AGBL4: variants seen among roughly 807,000 people sequenced by gnomAD.
AGBL4 encodes cytosolic carboxypeptidase 6.
A neutral mutation model predicts 66.4 loss-of-function variants in AGBL4; 58 were observed. The ratio of observed to expected loss-of-function variants is 0.87; its 90% confidence interval spans 0.71 to 1.09. AGBL4 has a LOEUF of 1.09. Ranked by LOEUF, AGBL4 falls within the 50% of genes least tolerant of loss-of-function variation. AGBL4 has a pLI of 0.00. For missense variants in AGBL4, 579 were observed against 631.0 expected, an observed-to-expected ratio of 0.92 and a Z score of 0.88; for synonymous variants, 234 against 222.9, an observed-to-expected ratio of 1.05 and a Z score of -0.44.
chr1:49,803,018 A>G lies in AGBL4; in HGVS notation c.157+48378T>C, dbSNP rs368150256. Among the ~76,000 whole-genome samples, 50 of 151,740 alleles carry G rather than the reference A, an allele frequency of 3.3e-4. 1 individual carries two copies. In the South Asian group the frequency reaches 9.5e-3, roughly 29 times the overall value. On this transcript the variant is annotated intron_variant, in intron 2 of 13. Transcript: ENST00000371839. ...AAAGAACCTTCATAAGTTAAATTTC[A>G]TTATATTTAATGTATGAAGTTAAAT...
chr1:48,549,824 G>C (rs991627142), intron 11 of AGBL4, among the ~76,000 whole-genome samples: 6 of 151,144 alleles, frequency 4.0e-5, no homozygotes, highest in African/African-American at 1.2e-4. Context: ...GAGGGAGAGA[G>C]GGGAGAAAGG....
intron 3 of AGBL4, among the ~76,000 whole-genome samples, chr1:49,682,035 C>A (rs1359013717): frequency 6.6e-6 from 1 of 152,074 alleles, no homozygotes; most frequent in African/African-American, 2.4e-5. Context: ...CAAACTATTT[C>A]TTTAAAAAAA....
At chr1:49,785,317 G>C (rs1357985060) in intron 2 of AGBL4, among the ~76,000 whole-genome samples, 2 of 151,980 alleles carry the variant, frequency 1.3e-5, no homozygotes, top group African/African-American at 4.8e-5. Flanking sequence ...CTAAAAGAAT[G>C]TATGTTAAAA....
intron 4 of AGBL4, among the ~76,000 whole-genome samples, chr1:49,147,146 C>A (rs1482057449): frequency 6.6e-6 from 1 of 152,140 alleles, no homozygotes; most frequent in African/African-American, 2.4e-5. Flanking sequence ...ACAGAAATAT[C>A]TGCTAGTCTT....
chr1:49,094,941 T>C (rs1645067854), intron 4 of AGBL4, among the ~76,000 whole-genome samples: 1 of 152,156 alleles, frequency 6.6e-6, no homozygotes, highest in Non-Finnish European at 1.5e-5. Flanking sequence ...AACCCCATCA[T>C]CTCAGCCCAA....
At chr1:49,445,536 T>C (rs1646134988) in intron 3 of AGBL4, among the ~76,000 whole-genome samples, 1 of 152,114 alleles carries the variant, frequency 6.6e-6, no homozygotes, top group Non-Finnish European at 1.5e-5. Flanking sequence ...CTCATTTTGT[T>C]TTATTTTTCT....
At chr1:49,649,511 C>T (rs1645959413) in intron 3 of AGBL4, among the ~76,000 whole-genome samples, 4 of 152,116 alleles carry the variant, frequency 2.6e-5, no homozygotes, top group African/African-American at 7.2e-5. Flanking sequence ...GATTGATCCA[C>T]TATTATGGTT....
chr1:48,554,806 C>A (rs1421264089), intron 11 of AGBL4, among the ~76,000 whole-genome samples: 1 of 152,120 alleles, frequency 6.6e-6, no homozygotes, highest in Non-Finnish European at 1.5e-5. Flanking sequence ...TTTCTAATAC[C>A]ACTCAGTTAG....
chr1:48,522,618 C>T, the AGBL4 span, among the ~76,000 whole-genome samples: 1 of 152,310 alleles, frequency 6.6e-6, no homozygotes, highest in African/African-American at 2.4e-5. Context: ...CTCAGTACTG[C>T]ATCTCTTGTA....
chr1:49,686,849 G>T (rs1165886020), intron 3 of AGBL4, among the ~76,000 whole-genome samples: 1 of 152,142 alleles, frequency 6.6e-6, no homozygotes, highest in Non-Finnish European at 1.5e-5. Context: ...AATTTGCCCA[G>T]GTGACACAGT....
chr1:49,511,093 TC>T (rs909376705), intron 3 of AGBL4, among the ~76,000 whole-genome samples: 4 of 151,938 alleles, frequency 2.6e-5, no homozygotes, highest in African/African-American at 9.7e-5. Flanking sequence ...TACCCAGCCA[TC>T]CCATTACTGG....
At chr1:49,474,568 A>G (rs2148717125) in intron 3 of AGBL4, among the ~76,000 whole-genome samples, 1 of 151,934 alleles carries the variant, frequency 6.6e-6, no homozygotes, top group South Asian at 2.1e-4. Flanking sequence ...ATTTCAGTGA[A>G]TTCTTGACTT....
intron 6 of AGBL4, among the ~76,000 whole-genome samples, chr1:48,729,494 A>C (rs1418654382): frequency 6.6e-6 from 1 of 152,194 alleles, no homozygotes; most frequent in African/African-American, 2.4e-5. Context: ...AAATCTTGTC[A>C]TTACCAAACC....
At chr1:49,844,194 C>T (rs1646076543) in intron 2 of AGBL4, among the ~76,000 whole-genome samples, 1 of 152,158 alleles carries the variant, frequency 6.6e-6, no homozygotes, top group African/African-American at 2.4e-5. Flanking sequence ...GATGGCACAA[C>T]AGCATATGCT....
At chr1:48,742,424 A>G (rs200337195) in intron 6 of AGBL4, among the ~76,000 whole-genome samples, 1 of 17,532 alleles carries the variant, frequency 5.7e-5, no homozygotes, top group Admixed American at 4.5e-4. Flanking sequence ...AAGAAAGAAA[A>G]AAAAAAGGAA....
intron 2 of AGBL4, among the ~76,000 whole-genome samples, chr1:49,706,803 C>T (rs1377260827): frequency 1.3e-5 from 2 of 151,924 alleles, no homozygotes; most frequent in Non-Finnish European, 2.9e-5. Context: ...TTTTATTTAC[C>T]CAGTAGTCAC....
chr1:49,676,758 A>G (rs1160332572), intron 3 of AGBL4, among the ~76,000 whole-genome samples: 1 of 152,096 alleles, frequency 6.6e-6, no homozygotes, highest in East Asian at 1.9e-4. Context: ...AATCCTACAT[A>G]CAGGTATTAT....
At chr1:49,476,493 G>A (rs550012922) in intron 3 of AGBL4, among the ~76,000 whole-genome samples, 1 of 151,966 alleles carries the variant, frequency 6.6e-6, no homozygotes, top group Non-Finnish European at 1.5e-5. Flanking sequence ...GTCTAATGCT[G>A]TCAGCGAGAT....
At chr1:49,260,863 A>G (rs1326811737) in intron 3 of AGBL4, among the ~76,000 whole-genome samples, 1 of 151,400 alleles carries the variant, frequency 6.6e-6, no homozygotes, top group Non-Finnish European at 1.5e-5. Context: ...CAAAAAAGAG[A>G]ATTTTAGACC....
Sources: gnomAD v4.1 joint callset for allele counts (sites outside exome capture counted in the v4.1 genomes callset) on GRCh38, gnomAD v4.1.1 for gene constraint, MANE v1.5 for transcripts, NCBI Gene and HGNC (gene_info 2026-07-23, HGNC 2026-07-21) for gene names.